The following LDLRAD3 variants were observed in gnomAD, a reference collection of about 807,000 sequenced individuals.
LDLRAD3 encodes the protein low density lipoprotein receptor class A domain containing 3, also known as low-density lipoprotein receptor class A domain-containing protein 3.
In LDLRAD3, 20 loss-of-function variants were observed where a neutral mutation model predicts 29.4. That is an observed-to-expected ratio of 0.68 (90% CI 0.48 to 0.99). The LOEUF (loss-of-function observed/expected upper bound fraction) is 0.99, where lower values mean the gene tolerates loss of function less well. LDLRAD3 is among the 50% of genes least tolerant of loss of function. LDLRAD3 has a pLI of 0.00. For synonymous variants in LDLRAD3, 157 were observed against 192.7 expected (o/e 0.81, Z 1.53); for missense variants, 420 against 454.3 (o/e 0.92, Z 0.69).
intron 2 of LDLRAD3, among the ~76,000 whole-genome samples, chr11:36,068,078 G>C (rs890860650): frequency 7.2e-5 from 11 of 152,084 alleles, no homozygotes; most frequent in African/African-American, 2.7e-4. Context: ...TCTTGGCCAG[G>C]TGTTTTTTTT....
rs1255742375 is a variant in LDLRAD3 at position 35,944,115 on chromosome 11, C to A, written c.17C>A (p.Pro6Gln). Residue 6 changes from proline to glutamine, a missense_variant, in exon 1 of 6, where the codon CCG (proline) becomes CAG (glutamine). Pro to Gln is a moderately conservative substitution (Grantham distance 76). This residue lies in a region of LDLRAD3 where 224 missense variants were observed against 222.2 expected (regional missense o/e 1.01). Coordinates refer to ENST00000315571, the MANE Select transcript of LDLRAD3 (RefSeq NM_174902.4). The surrounding 1 kb of genome is among the most constrained non-coding windows in gnomAD (Gnocchi z 4.9). Reference sequence around the variant, plus strand: ...GGCCGCGCCATGTGGCTGCTGGGGCCGCTGTGCCTGCTGCTGAGCAGCGCC... The same window carrying A: ...GGCCGCGCCATGTGGCTGCTGGGGCAGCTGTGCCTGCTGCTGAGCAGCGCC... MWLLG[P>Q]LCLLLSSAAE... The A allele has an allele frequency of 2.8e-6, 3 of 1,065,748 alleles. No homozygotes were observed. The highest frequency in any genetic ancestry group is 3.4e-6 in the Non-Finnish European group (3 of 882,962). 66.0% of individuals were successfully genotyped at this position (1,065,748 alleles called of 1,614,324 possible). A position where few individuals can be genotyped will look rare whatever the true frequency, so the allele number is the denominator to read the frequency against.
intron 2 of LDLRAD3, among the ~76,000 whole-genome samples, chr11:36,061,103 C>T (rs868309336): frequency 2.0e-5 from 3 of 152,092 alleles, no homozygotes; most frequent in African/African-American, 7.2e-5. Flanking sequence ...GTAAGAGTGT[C>T]TTCTTCCTCT....
rs980763397 is a variant in LDLRAD3 at position 35,944,071 on chromosome 11, G to C, written c.-28G>C. The C allele has an allele frequency of 1.9e-6, 2 of 1,076,380 alleles. No individual in the cohort carries two copies. Among genetic ancestry groups the C allele is most frequent in the African/African-American group, 3.4e-5 (2 of 59,288 alleles). The allele number at this position is 1,076,380 out of a possible 1,614,324, so 66.7% of individuals were successfully genotyped here. A position where few individuals can be genotyped will look rare whatever the true frequency, so the allele number is the denominator to read the frequency against. On this transcript the variant is annotated 5_prime_UTR_variant, in exon 1 of 6. Transcript: ENST00000315571. This position sits in a 1 kb window ranked among gnomAD's most constrained non-coding sequence, Gnocchi z 4.9. ...CCGAGGCCGCGGGGGCAGCAACGAC[G>C]CCGGGCAGCGGGAGCGGCGGCCGCG...
rs533209833 is a variant in LDLRAD3, at chr11:36,136,214, T to TAA, written c.454+37756_454+37757dup. Among the ~76,000 whole-genome samples the TAA allele has an allele frequency of 5.3e-5, 8 of 152,330 alleles. No homozygotes were observed. The South Asian group carries it at 1.7e-3, about 32-fold the overall frequency. On this transcript the variant is annotated intron_variant, in intron 4 of 5. Transcript: ENST00000315571. ...ATCTCAGAAGGATTAAGTTGAGGCATAAAAGCCTGAGTGCCCACTGTGCAC... is the reference window on the plus strand; with the variant it reads ...ATCTCAGAAGGATTAAGTTGAGGCATAAAAAAGCCTGAGTGCCCACTGTGCAC...
At chr11:36,178,027 T>C (rs967841169) in intron 4 of LDLRAD3, among the ~76,000 whole-genome samples, 1 of 152,218 alleles carries the variant, frequency 6.6e-6, no homozygotes, top group Admixed American at 6.5e-5. Flanking sequence ...CTGTGAAATC[T>C]TGTGGCTTTC....
intron 4 of LDLRAD3, among the ~76,000 whole-genome samples, chr11:36,102,518 G>T (rs1316729983): frequency 6.6e-6 from 1 of 152,026 alleles, no homozygotes; most frequent in East Asian, 1.9e-4. Flanking sequence ...CCTTATCTGG[G>T]ATTTAGTTCC....
intron 2 of LDLRAD3, among the ~76,000 whole-genome samples, chr11:36,063,927 A>G (rs1008178698): frequency 2.6e-5 from 4 of 152,198 alleles, no homozygotes; most frequent in African/African-American, 9.7e-5. Context: ...ATTTATGATC[A>G]GCTTGTCCAT....
intron 2 of LDLRAD3, among the ~76,000 whole-genome samples, chr11:36,040,912 T>C (rs189948723): frequency 9.2e-5 from 14 of 152,354 alleles, no homozygotes; most frequent in Admixed American, 3.9e-4. Flanking sequence ...AAAAATTATC[T>C]AGCTAGATTG....
At chr11:36,199,643 C>T (rs745512674) in intron 4 of LDLRAD3, among the ~76,000 whole-genome samples, 8 of 152,146 alleles carry the variant, frequency 5.3e-5, no homozygotes, top group Non-Finnish European at 7.3e-5. Context: ...GATTGACAGC[C>T]GCTGCTTAGC....
At chr11:36,184,679 A>G (rs527270263) in intron 4 of LDLRAD3, among the ~76,000 whole-genome samples, 49 of 152,332 alleles carry the variant, frequency 3.2e-4, no homozygotes, top group African/African-American at 1.1e-3. Flanking sequence ...AGGCCAAGGT[A>G]TACAATCCAT....
chr11:36,141,107 C>T (rs955576161), intron 4 of LDLRAD3, among the ~76,000 whole-genome samples: 8 of 151,272 alleles, frequency 5.3e-5, no homozygotes, highest in African/African-American at 1.9e-4. Context: ...ATGCGTGGTA[C>T]TAGCCCTGCT....
Position 36,081,836 on chromosome 11 carries a change from G to A in LDLRAD3, c.319+58G>A, listed in dbSNP as rs1056447803. On this transcript the variant is annotated intron_variant, in intron 3 of 5. Transcript: ENST00000315571. ...TTGTTCTTTCCCGCCAGCCAAACTT[G>A]TCCACATTGGTCACCCTCATCATGT... is the stretch of plus-strand genomic sequence containing the variant. 20 of 1,598,692 alleles carry A rather than the reference G, an allele frequency of 1.3e-5. No individual in the cohort carries two copies. In the African/African-American group the frequency reaches 2.4e-4, roughly 19 times the overall value.
Position 36,146,773 on chromosome 11 carries a change from C to CTTTATTTTAT in LDLRAD3, c.454+48329_454+48338dup, listed in dbSNP as rs55792933. Among the ~76,000 whole-genome samples, 432 of 143,824 alleles carry CTTTATTTTAT rather than the reference C, an allele frequency of 3.0e-3. 3 individuals carry two copies. Among genetic ancestry groups the CTTTATTTTAT allele is most frequent in the East Asian group, 9.7e-3 (48 of 4,946 alleles). The allele number at this position is 143,824 out of a possible 152,430, so 94.4% of individuals were successfully genotyped here. Reference sequence around the variant, plus strand: ...TCTCTGTGTCCCAAATTTCCCTCTACTTTATTTTATTTTATTTTATTTTAT... The same window carrying CTTTATTTTAT: ...TCTCTGTGTCCCAAATTTCCCTCTACTTTATTTTATTTTATTTTATTTTATTTTATTTTAT... On this transcript the variant is annotated intron_variant, in intron 4 of 5. Coordinates refer to ENST00000315571, the MANE Select transcript of LDLRAD3 (RefSeq NM_174902.4).
chr11:36,179,100 C>G (rs965064608), intron 4 of LDLRAD3, among the ~76,000 whole-genome samples: 1 of 152,232 alleles, frequency 6.6e-6, no homozygotes, highest in African/African-American at 2.4e-5. Flanking sequence ...ACAGAATGCT[C>G]TGGCTGACAT....
intron 4 of LDLRAD3, among the ~76,000 whole-genome samples, chr11:36,116,742 A>C (rs1423273080): frequency 1.3e-5 from 2 of 152,038 alleles, no homozygotes; most frequent in African/African-American, 4.8e-5. Flanking sequence ...ATTCTTGATT[A>C]GTTTTCTTGA....
At position 36,231,530 on chromosome 11, in the gene LDLRAD3, G is replaced by A. The variant is rs557247725; in HGVS notation, c.*2133G>A. 40 of 152,180 alleles carry A rather than the reference G, an allele frequency of 2.6e-4. 1 individual carries two copies. The South Asian group carries it at 8.1e-3, about 31-fold the overall frequency. The allele number at this position is 152,180 out of a possible 1,614,324, so 9.4% of individuals were successfully genotyped here. On this transcript the variant is annotated 3_prime_UTR_variant, in exon 6 of 6. Coordinates refer to ENST00000315571, the MANE Select transcript of LDLRAD3 (RefSeq NM_174902.4). The stretch of plus-strand genomic sequence containing the variant: ...TCTGGTGCTCTGGAAGTTGTTTAGA[G>A]GAAAGAATTCTAATTTTAATTAATT...
intron 3 of LDLRAD3, among the ~76,000 whole-genome samples, chr11:36,092,852 G>C (rs1229659399): frequency 1.3e-5 from 2 of 152,196 alleles, no homozygotes; most frequent in Middle Eastern, 3.2e-3. Flanking sequence ...CATGAACATT[G>C]TGATGTATAT....
chr11:36,081,519 A>T, intron 2 of LDLRAD3, 134 bp from the exon 3 acceptor site: 2 of 1,164,212 alleles, frequency 1.7e-6, no homozygotes, highest in Non-Finnish European at 2.5e-6. Flanking sequence ...GGGTGGTGGT[A>T]ATGAGAAGAA....
intron 2 of LDLRAD3, among the ~76,000 whole-genome samples, chr11:36,041,065 G>A (rs550142507): frequency 3.3e-5 from 5 of 152,098 alleles, no homozygotes; most frequent in Non-Finnish European, 5.9e-5. Context: ...GGGACACTTT[G>A]AGTATATTTC....
Sources: gnomAD v4.1 joint callset for allele counts (sites outside exome capture counted in the v4.1 genomes callset) on GRCh38, gnomAD v4.1.1 for gene constraint, gnomAD v4.1.1 regional missense constraint, Gnocchi (gnomAD v3.1) non-coding constraint, MANE v1.5 for transcripts, NCBI Gene and HGNC (gene_info 2026-07-23, HGNC 2026-07-21) for gene names.